The following TLL1 variants were observed in gnomAD, a reference collection of about 807,000 sequenced individuals.
The protein encoded by TLL1 is tolloid-like protein 1.
TLL1 carries 49 observed loss-of-function variants against 128.2 expected under a neutral mutation model. The ratio of observed to expected loss-of-function variants is 0.38; its 90% CI spans 0.30 to 0.48. TLL1 has a LOEUF of 0.48. Among genes scored for constraint, TLL1 ranks in the 20% least tolerant of loss-of-function variants. TLL1 has a pLI of 0.96. For synonymous variants in TLL1, 454 were observed against 418.8 expected, an observed-to-expected ratio of 1.08 and a Z score of -1.03; for missense variants, 1,123 against 1,242.0, an observed-to-expected ratio of 0.90 and a Z score of 1.44.
At chr4:166,094,615 A>G (rs62329073) in intron 19 of TLL1, among the ~76,000 whole-genome samples, 3,804 of 152,280 alleles carry the variant, frequency 0.025, 63 homozygotes, top group Non-Finnish European at 0.04. Flanking sequence ...GGTAACTGAA[A>G]TAGCACAAGA....
Position 165,873,267 on chromosome 4 carries a change from T to C in TLL1, c.-638T>C, listed in dbSNP as rs1326956940. 1 of 152,192 alleles carries C rather than the reference T, an allele frequency of 6.6e-6. No homozygotes were observed. Among genetic ancestry groups the C allele is most frequent in the Non-Finnish European group, 1.5e-5 (1 of 68,086 alleles). 9.4% of individuals were successfully genotyped at this position (152,192 alleles called of 1,614,324 possible). On this transcript the variant is annotated 5_prime_UTR_variant, in exon 1 of 21. Transcript: ENST00000061240. ...AGTGCATCCCCAAATCCTCACACTT[T>C]TGCTCTCTTGCAGTCAGTTGCTTTG...
chr4:165,954,405 T>A (rs1315494656), intron 1 of TLL1, among the ~76,000 whole-genome samples: 1 of 151,926 alleles, frequency 6.6e-6, no homozygotes, highest in East Asian at 1.9e-4. Flanking sequence ...ATGGAAAAAA[T>A]TATGACCACA....
chr4:166,070,730 C>A (rs1237192720), intron 16 of TLL1, among the ~76,000 whole-genome samples: 1 of 151,884 alleles, frequency 6.6e-6, no homozygotes, highest in Non-Finnish European at 1.5e-5. Flanking sequence ...CAAGTGATTT[C>A]AATTGACATG....
At chr4:165,986,198 T>G (rs536935065) in intron 1 of TLL1, among the ~76,000 whole-genome samples, 1 of 152,130 alleles carries the variant, frequency 6.6e-6, no homozygotes, top group Admixed American at 6.6e-5. Context: ...TCATATGTAT[T>G]TTTGCACCTA....
chr4:165,972,225 C>T (rs2110979661), intron 1 of TLL1, among the ~76,000 whole-genome samples: 1 of 152,270 alleles, frequency 6.6e-6, no homozygotes, highest in South Asian at 2.1e-4. Flanking sequence ...AAGACTCAAT[C>T]TATTATTTCC....
chr4:165,917,213 G>GA (rs958109849), intron 1 of TLL1, among the ~76,000 whole-genome samples: 7 of 150,288 alleles, frequency 4.7e-5, no homozygotes, highest in African/African-American at 1.7e-4. Flanking sequence ...TTCTGAAATT[G>GA]AAAAAAAAAT....
chr4:166,026,214 C>T (rs796069144), intron 9 of TLL1, among the ~76,000 whole-genome samples: 17 of 151,508 alleles, frequency 1.1e-4, no homozygotes, highest in African/African-American at 3.9e-4. Context: ...ATTGATGAAA[C>T]CCTGTCTCTA....
intron 8 of TLL1, among the ~76,000 whole-genome samples, chr4:166,024,045 C>T (rs1210688858): frequency 6.6e-6 from 1 of 151,910 alleles, no homozygotes; most frequent in Admixed American, 6.6e-5. Flanking sequence ...CTTCTTTTAA[C>T]CTTACATTTG....
chr4:166,059,836 T>C (rs1441002966), intron 14 of TLL1, among the ~76,000 whole-genome samples, 192 bp from the exon 15 acceptor site: 2 of 152,042 alleles, frequency 1.3e-5, no homozygotes, highest in East Asian at 1.9e-4. Flanking sequence ...AAATAACACC[T>C]TAAAAATGAG....
intron 19 of TLL1, among the ~76,000 whole-genome samples, chr4:166,093,085 ACACCTGTGG>A (rs1741850301): frequency 6.6e-6 from 1 of 152,140 alleles, no homozygotes; most frequent in Non-Finnish European, 1.5e-5. Flanking sequence ...CTGCCTCTCC[ACACCTGTGG>A]GTATTTCTCA....
At chr4:165,928,411 A>G (rs1445206113) in intron 1 of TLL1, among the ~76,000 whole-genome samples, 1 of 152,190 alleles carries the variant, frequency 6.6e-6, no homozygotes, top group Non-Finnish European at 1.5e-5. Context: ...CACTCTCTAT[A>G]GGAGAGTTGG....
intron 1 of TLL1, among the ~76,000 whole-genome samples, chr4:165,949,320 T>A (rs1734400491): frequency 6.6e-6 from 1 of 152,096 alleles, no homozygotes; most frequent in South Asian, 2.1e-4. Flanking sequence ...AGAAGCCGAT[T>A]TTTTCCAGAA....
At position 166,043,465 on chromosome 4, in the gene TLL1, G is replaced by A. The variant is rs779163452; in HGVS notation, c.1524+46G>A. On this transcript the variant is annotated intron_variant, in intron 12 of 20. Coordinates refer to ENST00000061240, the MANE Select transcript of TLL1 (RefSeq NM_012464.5). ...TTCCTGGCAAATATTCTCCATAAAC[G>A]ACAATGGCATTTAAGAGAATCCTCA... 15 of 1,612,074 alleles carry A rather than the reference G, an allele frequency of 9.3e-6. No individual in the cohort carries two copies. The Admixed American group carries it at 1.8e-4, about 20-fold the overall frequency.
rs1218550302 is a variant in TLL1, at chr4:166,055,193, A to T, written c.1642A>T (p.Thr548Ser). 1 of 1,613,586 alleles carries T rather than the reference A, an allele frequency of 6.2e-7. No homozygotes were observed. The highest frequency in any genetic ancestry group is 1.1e-5 in the South Asian group (1 of 91,084). ...TGACAAACCTGAAGACATAAGATCTACCTCCAATACTTTGTGGATGAAGTT... is the reference window on the plus strand; with the variant it reads ...TGACAAACCTGAAGACATAAGATCTTCCTCCAATACTTTGTGGATGAAGTT... ...GYDKPEDIRS[T>S]SNTLWMKFVS... The change falls in exon 13 of 21, where the codon ACC (threonine) becomes TCC (serine). Residue 548 changes from threonine (T) to serine (S), a missense_variant. This residue lies in a region of TLL1 where 634 missense variants were observed against 672.4 expected (regional missense o/e 0.94). Coordinates refer to ENST00000061240, the MANE Select transcript of TLL1 (RefSeq NM_012464.5).
chr4:165,918,894 CTCAACTGGACTAG>C (rs1732904697), intron 1 of TLL1, among the ~76,000 whole-genome samples: 1 of 152,104 alleles, frequency 6.6e-6, no homozygotes, highest in Non-Finnish European at 1.5e-5. Flanking sequence ...TCCAGTGTAC[CTCAACTGGACTAG>C]TCAAACTGCT....
At chr4:165,893,076 T>C (rs1731495531) in intron 1 of TLL1, among the ~76,000 whole-genome samples, 1 of 152,358 alleles carries the variant, frequency 6.6e-6, no homozygotes, top group African/African-American at 2.4e-5. Flanking sequence ...ATGATGATAA[T>C]TTTTAAACTC....
chr4:166,071,474 A>C (rs751276393), intron 16 of TLL1, among the ~76,000 whole-genome samples: 5 of 151,948 alleles, frequency 3.3e-5, no homozygotes, highest in Non-Finnish European at 5.9e-5. Context: ...CCTCGATAAA[A>C]CATTTATTTC....
chr4:166,037,836 C>A lies in TLL1; in HGVS notation c.1159-1503C>A, dbSNP rs75256114. 4.3e-3 allele frequency among the ~76,000 whole-genome samples: 656 copies of A among 151,766 alleles called. 4 individuals carry two copies. The highest frequency in any genetic ancestry group is 0.015 in the African/African-American group (639 of 41,452). On this transcript the variant is annotated intron_variant, in intron 9 of 20. Coordinates refer to ENST00000061240, the MANE Select transcript of TLL1 (RefSeq NM_012464.5). The stretch of plus-strand genomic sequence containing the variant: ...ATTAAAAAAAAAAAAACTTATTCCA[C>A]AACTTAATGTACTACATTTTTAAAA...
intron 1 of TLL1, among the ~76,000 whole-genome samples, chr4:165,924,803 T>C (rs899704126): frequency 2.0e-5 from 3 of 152,212 alleles, no homozygotes; most frequent in Non-Finnish European, 4.4e-5. Context: ...GCTGACTCTT[T>C]TGTTAGGAAC....
Sources: gnomAD v4.1 joint callset for allele counts (sites outside exome capture counted in the v4.1 genomes callset) on GRCh38, gnomAD v4.1.1 for gene constraint, gnomAD v4.1.1 regional missense constraint, MANE v1.5 for transcripts, NCBI Gene and HGNC (gene_info 2026-07-23, HGNC 2026-07-21) for gene names.